The following RBFOX1 variants were observed in gnomAD, a reference collection of about 807,000 sequenced individuals.
RBFOX1 encodes RNA binding fox-1 homolog 1.
In RBFOX1, 8 loss-of-function variants were observed where a neutral mutation model predicts 57.7. The observed-to-expected ratio is 0.14, with a 90% confidence interval of 0.08 to 0.25. The LOEUF (loss-of-function observed/expected upper bound fraction) is 0.25, where lower values mean the gene tolerates loss of function less well. Among genes scored for constraint, RBFOX1 ranks in the 10% least tolerant of loss-of-function variants. The pLI is 1.00. For missense variants in RBFOX1, 611 were observed against 548.5 expected, an observed-to-expected ratio of 1.11 and a Z score of -1.14; for synonymous variants, 326 against 222.4, an observed-to-expected ratio of 1.47 and a Z score of -4.15.
At chr16:7,076,501 C>T (rs1051872041) in intron 4 of RBFOX1, among the ~76,000 whole-genome samples, 5 of 151,858 alleles carry the variant, frequency 3.3e-5, no homozygotes, top group Admixed American at 3.3e-4. Context: ...TTTTCATATG[C>T]CTAATATACA....
intron 2 of RBFOX1, 38 bp from the exon 3 acceptor site, chr16:6,654,565 T>G (rs1020993594): frequency 2.7e-6 from 4 of 1,473,080 alleles, no homozygotes; most frequent in African/African-American, 2.9e-5. Flanking sequence ...TGACTCCTGT[T>G]CTTTCTCTCA....
chr16:7,605,528 T>C (rs2095250453), intron 9 of RBFOX1, among the ~76,000 whole-genome samples: 1 of 152,156 alleles, frequency 6.6e-6, no homozygotes, highest in Non-Finnish European at 1.5e-5. Flanking sequence ...TTAGAAAACA[T>C]TCTTATCAAG....
At chr16:5,709,380 T>C (rs370967245) in intron 3 of RBFOX1, among the ~76,000 whole-genome samples, 5 of 152,186 alleles carry the variant, frequency 3.3e-5, no homozygotes, top group African/African-American at 9.7e-5. Flanking sequence ...TATGACCTAA[T>C]TGAAATGAAC....
chr16:6,945,309 C>G (rs1320460059), intron 3 of RBFOX1, among the ~76,000 whole-genome samples: 8 of 152,128 alleles, frequency 5.3e-5, no homozygotes, highest in South Asian at 2.1e-4. Context: ...CACTAGGGGT[C>G]TCAAACGCAG....
intron 1 of RBFOX1, among the ~76,000 whole-genome samples, chr16:6,314,090 T>C (rs2080758343): frequency 6.6e-6 from 1 of 152,122 alleles, no homozygotes; most frequent in Non-Finnish European, 1.5e-5. Context: ...GGACATGAAA[T>C]TCAATGTTAT....
In RBFOX1 at chr16:6,450,825, A is replaced by ATATATG. The variant is rs1567303602; in HGVS notation, c.-64+133773_-64+133774insGTATAT. On this transcript the variant is annotated intron_variant, in intron 2 of 15. Transcript: ENST00000550418. ...TGTATATATATATATATACATATAT[A>ATATATG]TATATATATATGTGTATATATATAT... 6.9e-4 allele frequency among the ~76,000 whole-genome samples: 10 copies of ATATATG among 14,574 alleles called. 1 individual carries two copies. The highest frequency in any genetic ancestry group is 0.01 in the East Asian group (1 of 100). The allele number at this position is 14,574 out of a possible 152,430, so 9.6% of individuals were successfully genotyped here.
chr16:5,409,818 G>C (rs1166365260), intron 1 of RBFOX1, among the ~76,000 whole-genome samples: 1 of 151,976 alleles, frequency 6.6e-6, no homozygotes, highest in Non-Finnish European at 1.5e-5. Context: ...GGGAGGCCGA[G>C]GTGGGCAGAT....
chr16:7,028,604 A>ACG (rs2041710621), intron 3 of RBFOX1, among the ~76,000 whole-genome samples: 1 of 38,204 alleles, frequency 2.6e-5, no homozygotes, highest in African/African-American at 1.4e-4. Flanking sequence ...ACACACACAC[A>ACG]CACACAAAAA....
intron 1 of RBFOX1, among the ~76,000 whole-genome samples, chr16:5,425,109 CTATCTA>C (rs1567491272): frequency 7.1e-6 from 1 of 141,630 alleles, no homozygotes; most frequent in Non-Finnish European, 1.5e-5. Flanking sequence ...ATCTATCTAT[CTATCTA>C]TCTATCTTGA....
intron 1 of RBFOX1, among the ~76,000 whole-genome samples, chr16:5,255,352 CCCTCCAT>C (rs1302299329): frequency 2.7e-5 from 4 of 150,018 alleles, no homozygotes; most frequent in East Asian, 3.9e-4. Flanking sequence ...ATCCATCCAT[CCCTCCAT>C]CCATCCATCC....
chr16:6,275,456 G>C (rs529104073), intron 1 of RBFOX1, among the ~76,000 whole-genome samples: 5 of 152,096 alleles, frequency 3.3e-5, no homozygotes, highest in Admixed American at 3.3e-4. Context: ...GATCTCATTC[G>C]CATCTCATAA....
intron 3 of RBFOX1, among the ~76,000 whole-genome samples, chr16:6,679,768 C>G (rs977239363): frequency 6.6e-6 from 1 of 151,932 alleles, no homozygotes; most frequent in Admixed American, 6.6e-5. Flanking sequence ...CATGTAACTT[C>G]CCTTCCTTTC....
At chr16:7,207,511 A>G (rs1281637155) in intron 4 of RBFOX1, among the ~76,000 whole-genome samples, 2 of 152,158 alleles carry the variant, frequency 1.3e-5, no homozygotes, top group East Asian at 3.9e-4. Flanking sequence ...CCTGCTACAT[A>G]ATAGATGATC....
intron 4 of RBFOX1, among the ~76,000 whole-genome samples, chr16:7,442,647 G>C (rs2079219019): frequency 6.6e-6 from 1 of 152,094 alleles, no homozygotes; most frequent in Non-Finnish European, 1.5e-5. Flanking sequence ...GATTTGCACT[G>C]GTTTTATGAG....
chr16:5,507,506 G>A (rs993628592), intron 2 of RBFOX1, among the ~76,000 whole-genome samples: 11 of 152,168 alleles, frequency 7.2e-5, no homozygotes, highest in East Asian at 1.9e-4. Flanking sequence ...AGAGAGCCAC[G>A]TACTCTGTTT....
chr16:6,111,878 G>A (rs1017774277), intron 1 of RBFOX1, among the ~76,000 whole-genome samples: 6 of 152,210 alleles, frequency 3.9e-5, no homozygotes, highest in Non-Finnish European at 1.5e-5. Flanking sequence ...AGGGGTAAGT[G>A]TATGGATTGA....
At chr16:6,160,987 C>T (rs892256050) in intron 1 of RBFOX1, among the ~76,000 whole-genome samples, 36 of 152,270 alleles carry the variant, frequency 2.4e-4, no homozygotes, top group East Asian at 1.2e-3. Flanking sequence ...TTCTTCCTAC[C>T]GACAATGGAA....
At chr16:7,371,555 GC>G in intron 4 of RBFOX1, among the ~76,000 whole-genome samples, 1 of 152,244 alleles carries the variant, frequency 6.6e-6, no homozygotes, top group Middle Eastern at 3.4e-3. Context: ...ATCGAGACCA[GC>G]CTGGCCAACA....
intron 2 of RBFOX1, among the ~76,000 whole-genome samples, chr16:6,616,655 A>G (rs1184774666): frequency 6.6e-6 from 1 of 152,204 alleles, no homozygotes; most frequent in Non-Finnish European, 1.5e-5. Flanking sequence ...AGCCTGGGCG[A>G]CAGAGCAAGA....
Sources: allele counts gnomAD v4.1 joint callset (sites outside exome capture counted in the v4.1 genomes callset), GRCh38; gene constraint gnomAD v4.1.1; transcripts MANE v1.5; gene names NCBI Gene and HGNC (gene_info 2026-07-23, HGNC 2026-07-21).